The following CACHD1 variants were observed in gnomAD, a reference collection of about 807,000 sequenced individuals.
CACHD1 encodes the protein VWFA and cache domain-containing protein 1.
In CACHD1, 71 loss-of-function variants were observed where a neutral mutation model predicts 138.7. The observed-to-expected ratio is 0.51, with a 90% CI of 0.42 to 0.62. The LOEUF (loss-of-function observed/expected upper bound fraction) is 0.62. Ranked by LOEUF, CACHD1 falls within the 20% of genes least tolerant of loss-of-function variation. The pLI is 0.00. For synonymous variants in CACHD1, 578 were observed against 591.5 expected, an observed-to-expected ratio of 0.98 and a Z score of 0.33; for missense variants, 1,389 against 1,625.3, an observed-to-expected ratio of 0.85 and a Z score of 2.50.
Position 64,550,604 on chromosome 1 carries a change from A to G in CACHD1, c.209A>G (p.Asn70Ser), listed in dbSNP as rs750925053. ...TTCTTTTCATTGCAGCGGATATTCA[A>G]CTCCTTTGTTTACACTGAGAAAATC... ...LGVVTMQRIF[N>S]SFVYTEKISN... The change falls in exon 2 of 27, where the codon AAC becomes AGC. Residue 70 changes from asparagine (N) to serine (S), a missense_variant. Asn to Ser is a conservative substitution (Grantham distance 46). This residue lies in a region of CACHD1 where 1,000 missense variants were observed against 1,114.7 expected (regional missense o/e 0.90). Coordinates refer to ENST00000651257, the MANE Select transcript of CACHD1 (RefSeq NM_020925.4). 2 of 1,611,436 alleles carry G rather than the reference A, an allele frequency of 1.2e-6. No individual in the cohort carries two copies.
chr1:64,645,569 A>G (rs1470022653), intron 8 of CACHD1, among the ~76,000 whole-genome samples: 1 of 152,222 alleles, frequency 6.6e-6, no homozygotes. Flanking sequence ...AAAAAATAAA[A>G]GACCCAAGAT....
intron 4 of CACHD1, among the ~76,000 whole-genome samples, chr1:64,608,112 C>G (rs556714027): frequency 2.0e-5 from 3 of 152,242 alleles, no homozygotes; most frequent in Non-Finnish European, 4.4e-5. Flanking sequence ...GTATAACCTA[C>G]TACATAACAA....
chr1:64,681,430 T>G lies in CACHD1; in HGVS notation c.3484+95T>G. 3 of 1,012,486 alleles carry G rather than the reference T, an allele frequency of 3.0e-6. No individual in the cohort carries two copies. The South Asian group carries it at 5.1e-5, about 17-fold the overall frequency. The allele number at this position is 1,012,486 out of a possible 1,614,324, so 62.7% of individuals were successfully genotyped here. A position where few individuals can be genotyped will look rare whatever the true frequency, so the allele number is the denominator to read the frequency against. ...ATATCCTTTTGGCTTGTATTAAAAT[T>G]TAAGAAGCTTTGACACGGTGGCTGG... On this transcript the variant is annotated intron_variant, in intron 25 of 26. Coordinates refer to ENST00000651257, the MANE Select transcript of CACHD1 (RefSeq NM_020925.4).
chr1:64,574,987 C>T (rs1646955669), intron 2 of CACHD1, among the ~76,000 whole-genome samples: 1 of 152,166 alleles, frequency 6.6e-6, no homozygotes, highest in Non-Finnish European at 1.5e-5. Flanking sequence ...GGTTAGTTAA[C>T]ATTCAGTTTA....
chr1:64,612,024 A>T (rs899865573), intron 4 of CACHD1, among the ~76,000 whole-genome samples: 1 of 152,074 alleles, frequency 6.6e-6, no homozygotes, highest in African/African-American at 2.4e-5. Flanking sequence ...ACAGGAGGGG[A>T]TTGGGGTGGG....
intron 4 of CACHD1, among the ~76,000 whole-genome samples, chr1:64,624,839 A>G (rs1215996713): frequency 6.6e-6 from 1 of 152,240 alleles, no homozygotes; most frequent in Non-Finnish European, 1.5e-5. Flanking sequence ...AAGGGATGTA[A>G]TAGCTAAAAG....
chr1:64,533,680 T>C (rs549409951), intron 1 of CACHD1, among the ~76,000 whole-genome samples: 5 of 152,260 alleles, frequency 3.3e-5, no homozygotes, highest in African/African-American at 1.2e-4. Context: ...GAGAATACTA[T>C]ACATGATGTG....
At chr1:64,671,295 ACT>A (rs1649807576) in intron 16 of CACHD1, among the ~76,000 whole-genome samples, 1 of 151,784 alleles carries the variant, frequency 6.6e-6, no homozygotes, top group South Asian at 2.1e-4. Context: ...CAGTCGAGCC[ACT>A]CTCTGAACGT....
chr1:64,652,085 C>T, intron 9 of CACHD1, 76 bp from the exon 10 acceptor site: 2 of 1,284,076 alleles, frequency 1.6e-6, no homozygotes, highest in Non-Finnish European at 2.1e-6. Context: ...CTTCATGATT[C>T]ACCGGAGCAC....
chr1:64,557,513 T>C (rs1164356281), intron 2 of CACHD1, among the ~76,000 whole-genome samples: 1 of 152,178 alleles, frequency 6.6e-6, no homozygotes, highest in Non-Finnish European at 1.5e-5. Flanking sequence ...GAACTCCTTA[T>C]ACAGGAGACG....
chr1:64,608,345 C>T (rs564656200), intron 4 of CACHD1, among the ~76,000 whole-genome samples: 2 of 152,282 alleles, frequency 1.3e-5, no homozygotes, highest in African/African-American at 4.8e-5. Flanking sequence ...CTGTACAGCT[C>T]ATGCCCCTTT....
chr1:64,602,734 G>A (rs1198097488), intron 3 of CACHD1, 72 bp from the exon 4 acceptor site: 1 of 934,276 alleles, frequency 1.1e-6, no homozygotes, highest in Non-Finnish European at 1.8e-6. Flanking sequence ...TGTACACAAT[G>A]TAAACCATTA....
At chr1:64,572,215 C>A (rs1337765267) in intron 2 of CACHD1, among the ~76,000 whole-genome samples, 2 of 152,186 alleles carry the variant, frequency 1.3e-5, no homozygotes, top group East Asian at 3.8e-4. Flanking sequence ...GCTCTCTCCT[C>A]TTCCCAATTC....
chr1:64,525,254 A>G (rs1646529322), intron 1 of CACHD1, among the ~76,000 whole-genome samples: 1 of 152,240 alleles, frequency 6.6e-6, no homozygotes, highest in African/African-American at 2.4e-5. Context: ...AGAAATTAGT[A>G]CTCAAGATCA....
At chr1:64,473,578 T>G in intron 1 of CACHD1, among the ~76,000 whole-genome samples, 1 of 150,170 alleles carries the variant, frequency 6.7e-6, no homozygotes, top group African/African-American at 2.5e-5. Context: ...AGGGTGGGGG[T>G]GGAGAGGGGG....
chr1:64,588,511 G>C (rs866997822), intron 3 of CACHD1, among the ~76,000 whole-genome samples: 1 of 151,530 alleles, frequency 6.6e-6, no homozygotes, highest in Admixed American at 6.6e-5. Flanking sequence ...CTGCTGAGTA[G>C]CTGGGATTAC....
chr1:64,605,228 G>A (rs1647301577), intron 4 of CACHD1, among the ~76,000 whole-genome samples: 1 of 152,224 alleles, frequency 6.6e-6, no homozygotes, highest in East Asian at 1.9e-4. Context: ...GCCTCCTAAA[G>A]TTCTGGGATT....
At chr1:64,642,413 T>C (rs1162555087) in intron 8 of CACHD1, among the ~76,000 whole-genome samples, 1 of 152,212 alleles carries the variant, frequency 6.6e-6, no homozygotes, top group Non-Finnish European at 1.5e-5. Context: ...TCTGCCACTT[T>C]CTCCACCTCA....
At chr1:64,663,947 T>C in intron 14 of CACHD1, 110 bp downstream of exon 14, 2 of 1,396,816 alleles carry the variant, frequency 1.4e-6, no homozygotes, top group Non-Finnish European at 2.0e-6. Flanking sequence ...TCTGTGCCTC[T>C]CAGCTGGAGA....
Sources: gnomAD v4.1 joint callset for allele counts (sites outside exome capture counted in the v4.1 genomes callset) on GRCh38, gnomAD v4.1.1 for gene constraint, gnomAD v4.1.1 regional missense constraint, MANE v1.5 for transcripts, NCBI Gene and HGNC (gene_info 2026-07-23, HGNC 2026-07-21) for gene names.